ABCC1: variants seen among roughly 807,000 people sequenced by gnomAD.
ABCC1 encodes the protein ATP binding cassette subfamily C member 1 (ABCC1 blood group).
A neutral mutation model predicts 172.9 loss-of-function variants in ABCC1; 83 were observed. The observed-to-expected ratio is 0.48, with a 90% CI of 0.40 to 0.58. The LOEUF (loss-of-function observed/expected upper bound fraction) is 0.58. Among genes scored for constraint, ABCC1 ranks in the 20% least tolerant of loss-of-function variants. ABCC1 has a pLI of 0.00. For missense variants in ABCC1, 1,817 were observed against 2,002.7 expected (o/e 0.91, Z 1.77); for synonymous variants, 937 against 825.2 (o/e 1.14, Z -2.32).
chr16:16,074,547 G>A lies in ABCC1; in HGVS notation c.1913-1779G>A, dbSNP rs114987639. Among the ~76,000 whole-genome samples the A allele has an allele frequency of 7.8e-3, 1,194 of 152,258 alleles. 18 individuals are homozygous for A. The highest frequency in any genetic ancestry group is 0.027 in the African/African-American group (1,134 of 41,552). On this transcript the variant is annotated intron_variant, in intron 14 of 30. Coordinates refer to ENST00000399410, the MANE Select transcript of ABCC1 (RefSeq NM_004996.4). ...ACCCCTAGGCCCCTGGGTGCCGCCC[G>A]CACCCCAGCCCCTCCTTCCTGCCCT...
At chr16:16,066,881 C>T (rs1419550547) in intron 12 of ABCC1, among the ~76,000 whole-genome samples, 3 of 143,920 alleles carry the variant, frequency 2.1e-5, no homozygotes, top group Non-Finnish European at 3.0e-5. Context: ...CCATCTTGTG[C>T]AAAAGAATGA....
At chr16:16,116,183 C>T (rs1216567721) in intron 23 of ABCC1, among the ~76,000 whole-genome samples, 2 of 152,030 alleles carry the variant, frequency 1.3e-5, no homozygotes, top group Non-Finnish European at 2.9e-5. Flanking sequence ...GGATTACAGG[C>T]GTGAGCCACT....
At chr16:16,115,289 A>G (rs183053173) in intron 23 of ABCC1, among the ~76,000 whole-genome samples, 1 of 152,252 alleles carries the variant, frequency 6.6e-6, no homozygotes, top group East Asian at 1.9e-4. Flanking sequence ...CCTAAGTTTT[A>G]CTTTTCCACC....
chr16:16,009,492 T>TG (rs1283544376), intron 2 of ABCC1, among the ~76,000 whole-genome samples: 5 of 152,114 alleles, frequency 3.3e-5, no homozygotes, highest in Non-Finnish European at 7.4e-5. Flanking sequence ...GCTGAGCTCT[T>TG]GAGTGTTCAG....
chr16:16,092,611 C>G (rs1162383165), intron 19 of ABCC1, among the ~76,000 whole-genome samples: 1 of 152,188 alleles, frequency 6.6e-6, no homozygotes, highest in Non-Finnish European at 1.5e-5. Context: ...CTGTGTTGAT[C>G]TGTTCACTGG....
At chr16:16,115,117 T>C (rs1255713265) in intron 23 of ABCC1, 41 bp downstream of exon 23, 1 of 1,584,482 alleles carries the variant, frequency 6.3e-7, no homozygotes, top group African/African-American at 1.3e-5. Context: ...AGCCCTACTG[T>C]GCATTATATA....
intron 19 of ABCC1, among the ~76,000 whole-genome samples, chr16:16,091,883 T>C (rs777024490): frequency 1.3e-5 from 2 of 152,068 alleles, no homozygotes; most frequent in African/African-American, 2.4e-5. Flanking sequence ...TTGCCTGGGG[T>C]GGGAGCTCCT....
chr16:16,076,025 C>G, intron 14 of ABCC1: 1 of 415,420 alleles, frequency 2.4e-6, no homozygotes, highest in Admixed American at 5.4e-5. Flanking sequence ...TTGAGTAATT[C>G]TCATGCGGCC....
chr16:16,111,466 C>T lies in ABCC1; in HGVS notation c.2963C>T (p.Ser988Phe). Residue 988 changes from serine to phenylalanine, a missense_variant, in exon 22 of 31, where the codon TCC becomes TTC. Transcript: ENST00000399410. ...SIFLFMCNHV[S>F]ALASNYWLSL... ...TTCCTTTTCATGTGTAACCATGTGT[C>T]CGCGCTGGCTTCCAACTATTGGCTC... The T allele has an allele frequency of 6.2e-7, 1 of 1,614,190 alleles. No homozygotes were observed. The highest frequency in any genetic ancestry group is 1.1e-5 in the South Asian group (1 of 91,082).
chr16:16,056,413 TC>T, intron 12 of ABCC1, 118 bp downstream of exon 12: 1 of 1,196,644 alleles, frequency 8.4e-7, no homozygotes, highest in Non-Finnish European at 1.2e-6. Flanking sequence ...TGCTTGGTAA[TC>T]CCAGCACTCT....
rs759308483 is a variant in ABCC1 at position 16,083,539 on chromosome 16, G to A, written c.2289G>A (p.Glu763=). The change falls in exon 17 of 31, where the codon GAG becomes GAA. Residue 763 remains glutamate, a synonymous_variant. Coordinates refer to ENST00000399410, the MANE Select transcript of ABCC1 (RefSeq NM_004996.4). ...GTGGGGATCGGACAGAGATTGGCGAGAAGGTCAGTATAGGTTGGATGTTGG... is the reference window on the plus strand; with the variant it reads ...GTGGGGATCGGACAGAGATTGGCGAAAAGGTCAGTATAGGTTGGATGTTGG... ...LPSGDRTEIG[E]KGVNLSGGQK... The A allele has an allele frequency of 1.2e-5, 19 of 1,612,654 alleles. No homozygotes were observed.
chr16:15,999,483 C>T (rs1474181725), intron 1 of ABCC1, among the ~76,000 whole-genome samples: 1 of 151,674 alleles, frequency 6.6e-6, no homozygotes, highest in Non-Finnish European at 1.5e-5. Context: ...GGCGTGGTGG[C>T]AGGCGCCTAT....
chr16:16,124,378 T>TGG (rs2045330854), intron 24 of ABCC1, among the ~76,000 whole-genome samples: 1 of 42,404 alleles, frequency 2.4e-5, no homozygotes, highest in Non-Finnish European at 4.4e-5. Context: ...TACGCCCGGC[T>TGG]GTGTGTGTGT....
intron 7 of ABCC1, among the ~76,000 whole-genome samples, chr16:16,039,266 CTT>C (rs1202497870): frequency 7.4e-4 from 65 of 87,754 alleles, no homozygotes; most frequent in African/African-American, 2.1e-3. Context: ...TGTGTGTTTT[CTT>C]TTTTTTTTTT....
rs1057493868 is a variant in ABCC1 at position 16,073,831 on chromosome 16, C to G, written c.1912+2102C>G. On this transcript the variant is annotated intron_variant, in intron 14 of 30. Coordinates refer to ENST00000399410, the MANE Select transcript of ABCC1 (RefSeq NM_004996.4). Reference sequence around the variant, plus strand: ...CTACCCAGGTACGAAGTGGTAGCCCCAGGATTCAAACCCATACAGTCTGGC... The same window carrying G: ...CTACCCAGGTACGAAGTGGTAGCCCGAGGATTCAAACCCATACAGTCTGGC... Among the ~76,000 whole-genome samples the G allele has an allele frequency of 3.3e-5, 5 of 152,194 alleles. No homozygotes were observed. In the South Asian group the frequency reaches 6.2e-4, roughly 19 times the overall value.
intron 1 of ABCC1, among the ~76,000 whole-genome samples, chr16:15,992,487 C>T (rs948842272): frequency 4.7e-5 from 7 of 149,574 alleles, no homozygotes; most frequent in Non-Finnish European, 7.5e-5. Context: ...GCAGCCTCTG[C>T]CTCCCAGGTT....
intron 1 of ABCC1, among the ~76,000 whole-genome samples, chr16:15,996,754 C>T (rs750703711): frequency 5.9e-5 from 9 of 151,974 alleles, no homozygotes; most frequent in South Asian, 2.1e-4. Context: ...GCCCGGTGCA[C>T]GAGGACTTCC....
chr16:16,136,726 A>T (rs776202743), intron 29 of ABCC1, 82 bp downstream of exon 29: 8 of 1,470,274 alleles, frequency 5.4e-6, no homozygotes, highest in Non-Finnish European at 7.3e-6. Flanking sequence ...TTCTGTCCAG[A>T]TCTGTGTCAC....
At chr16:16,117,065 A>G (rs2044914188) in intron 23 of ABCC1, among the ~76,000 whole-genome samples, 1 of 152,186 alleles carries the variant, frequency 6.6e-6, no homozygotes, top group African/African-American at 2.4e-5. Flanking sequence ...GCACAATTTA[A>G]AACTTACACA....
Sources: allele counts gnomAD v4.1 joint callset (sites outside exome capture counted in the v4.1 genomes callset), GRCh38; gene constraint gnomAD v4.1.1; transcripts MANE v1.5; gene names NCBI Gene and HGNC (gene_info 2026-07-23, HGNC 2026-07-21).